COQ8A: variants seen among roughly 807,000 people sequenced by gnomAD.
The protein encoded by COQ8A is coenzyme Q8A.
A neutral mutation model predicts 65.0 loss-of-function variants in COQ8A; 51 were observed. The ratio of observed to expected loss-of-function variants is 0.78; its 90% CI spans 0.63 to 0.99. The LOEUF (loss-of-function observed/expected upper bound fraction) is 0.99. Ranked by LOEUF, COQ8A falls within the 50% of genes least tolerant of loss-of-function variation. The pLI is 0.00. For synonymous variants in COQ8A, 371 were observed against 353.2 expected (o/e 1.05, Z -0.57); for missense variants, 940 against 875.0 (o/e 1.07, Z -0.94).
intron 14 of COQ8A, among the ~76,000 whole-genome samples, chr1:226,986,188 CTGTA>C (rs1403495334): frequency 6.6e-6 from 1 of 152,070 alleles, no homozygotes; most frequent in East Asian, 1.9e-4. Flanking sequence ...TGTTAAAACT[CTGTA>C]TGAGTGCCAC....
chr1:226,983,274 A>G lies in COQ8A; in HGVS notation c.1080+240A>G. On this transcript the variant is annotated intron_variant, in intron 8 of 14. Transcript: ENST00000366777. ...CCAGCAAGCTTGATTTGGGGTGGGC[A>G]AGGACAGGGGACAAGTGATTGCTTT... 4.4e-6 allele frequency: 3 copies of G among 686,688 alleles called. No individual in the cohort carries two copies. In the East Asian group the frequency reaches 8.2e-5, roughly 19 times the overall value. 42.5% of individuals were successfully genotyped at this position (686,688 alleles called of 1,614,324 possible). A position where few individuals can be genotyped will look rare whatever the true frequency, so the allele number is the denominator to read the frequency against.
At position 226,961,521 on chromosome 1, in the gene COQ8A, A is replaced by C; in HGVS notation, c.136A>C (p.Thr46Pro). Residue 46 changes from threonine (T) to proline (P), a missense_variant, in exon 2 of 15, where the codon ACG becomes CCG. Thr to Pro is a conservative substitution (Grantham distance 38, BLOSUM62 -1). Coordinates refer to ENST00000366777, the MANE Select transcript of COQ8A (RefSeq NM_020247.5). ...LIMAARALQS[T>P]AVEQIGMFLG... ...CATGGCGGCCAGGGCCCTGCAGTCC[A>C]CGGCTGTGGAGCAGATTGGCATGTT... 1 of 1,613,774 alleles carries C rather than the reference A, an allele frequency of 6.2e-7. No homozygotes were observed.
At chr1:226,941,632 G>A (rs1013394925) in intron 1 of COQ8A, among the ~76,000 whole-genome samples, 3 of 152,018 alleles carry the variant, frequency 2.0e-5, no homozygotes, top group Non-Finnish European at 2.9e-5. Context: ...AAAATTAGCC[G>A]GATGTGGTGG....
chr1:226,971,850 T>G (rs1658926834), intron 4 of COQ8A, among the ~76,000 whole-genome samples: 1 of 152,236 alleles, frequency 6.6e-6, no homozygotes, highest in African/African-American at 2.4e-5. Context: ...GTATTTATTC[T>G]GCTTGGGGTT....
intron 2 of COQ8A, among the ~76,000 whole-genome samples, chr1:226,962,231 T>C (rs1197201697): frequency 6.6e-6 from 1 of 152,142 alleles, no homozygotes; most frequent in African/African-American, 2.4e-5. Flanking sequence ...CTCCTTTCCT[T>C]GGTGGCAGCT....
intron 5 of COQ8A, among the ~76,000 whole-genome samples, chr1:226,977,950 G>A (rs1460553209): frequency 3.3e-5 from 4 of 120,942 alleles, no homozygotes; most frequent in African/African-American, 6.6e-5. Flanking sequence ...CCAAACACCC[G>A]CACCTTACAT....
At chr1:226,967,434 A>G (rs1006229554) in intron 4 of COQ8A, among the ~76,000 whole-genome samples, 2 of 151,786 alleles carry the variant, frequency 1.3e-5, no homozygotes, top group Admixed American at 6.6e-5. Flanking sequence ...CTCACTTCGG[A>G]GTCTTTGTGG....
Position 226,986,866 on chromosome 1 carries a change from C to T in COQ8A, c.*129C>T. ...CAATAAGGGGGGTGGCTGCCTGGAG[C>T]CCCGTAGCCAGCGCTTTCCACGGTT... On this transcript the variant is annotated 3_prime_UTR_variant, in exon 15 of 15. Coordinates refer to ENST00000366777, the MANE Select transcript of COQ8A (RefSeq NM_020247.5). 1.7e-6 allele frequency: 2 copies of T among 1,184,218 alleles called. No individual in the cohort carries two copies. The highest frequency in any genetic ancestry group is 2.4e-6 in the Non-Finnish European group (2 of 838,302). The allele number at this position is 1,184,218 out of a possible 1,614,324, so 73.4% of individuals were successfully genotyped here.
At chr1:226,962,537 G>A (rs933006842) in intron 2 of COQ8A, among the ~76,000 whole-genome samples, 2 of 152,186 alleles carry the variant, frequency 1.3e-5, no homozygotes, top group East Asian at 1.9e-4. Context: ...GTGTGTGTGC[G>A]CTTAGGCATG....
At chr1:226,977,636 A>T in intron 5 of COQ8A, 113 bp downstream of exon 5, 2 of 1,205,910 alleles carry the variant, frequency 1.7e-6, no homozygotes, top group Non-Finnish European at 2.3e-6. Flanking sequence ...CCGCATTTGC[A>T]TGGGGTTCCA....
At chr1:226,966,790 G>C (rs76728907) in intron 4 of COQ8A, among the ~76,000 whole-genome samples, 13 of 152,134 alleles carry the variant, frequency 8.5e-5, no homozygotes, top group African/African-American at 3.1e-4. Context: ...CATCCTACTT[G>C]TTCAAGACTG....
At position 226,965,322 on chromosome 1, in the gene COQ8A, A is replaced by T; in HGVS notation, c.500A>T (p.Gln167Leu). 1.2e-6 allele frequency: 2 copies of T among 1,613,724 alleles called. No individual in the cohort carries two copies. The highest frequency in any genetic ancestry group is 1.6e-4 in the Middle Eastern group (1 of 6,062). The change falls in exon 3 of 15, where the codon CAA (glutamine) becomes CTA (leucine). Residue 167 changes from glutamine (Q) to leucine (L), a missense_variant. By Grantham distance (113) the Gln-to-Leu change is moderately radical (BLOSUM62 -2). Coordinates refer to ENST00000366777, the MANE Select transcript of COQ8A (RefSeq NM_020247.5). ...CAGCGAAGGTTCTTCCACCAGGACC[A>T]ATCCCCTGTTGGGGGCCTCACAGCC... is the stretch of plus-strand genomic sequence containing the variant. Reference protein sequence around the residue: ...GFQRRFFHQDQSPVGGLTAED... With the variant: ...GFQRRFFHQDLSPVGGLTAED...
At chr1:226,973,264 G>C (rs1659004456) in intron 4 of COQ8A, among the ~76,000 whole-genome samples, 1 of 152,238 alleles carries the variant, frequency 6.6e-6, no homozygotes, top group Non-Finnish European at 1.5e-5. Flanking sequence ...CAGGGGTGCG[G>C]GAGTGTAGTT....
chr1:226,984,706 A>G (rs748256582), intron 12 of COQ8A, 51 bp downstream of exon 12: 2 of 1,565,786 alleles, frequency 1.3e-6, no homozygotes, highest in Non-Finnish European at 1.8e-6. Context: ...GCTTCTCCGA[A>G]TGGGGCACGT....
chr1:226,978,562 A>ACACCTTACCC (rs1558201644), intron 5 of COQ8A, among the ~76,000 whole-genome samples: 4 of 70,182 alleles, frequency 5.7e-5, no homozygotes, highest in South Asian at 5.1e-4. Flanking sequence ...CACCCCCCAC[A>ACACCTTACCC]GCCACACACC....
chr1:226,960,771 T>C (rs112382073), intron 1 of COQ8A, among the ~76,000 whole-genome samples: 1 of 151,882 alleles, frequency 6.6e-6, no homozygotes, highest in African/African-American at 2.4e-5. Flanking sequence ...AAGCTGAGGG[T>C]GGGCTGACCC....
intron 14 of COQ8A, 58 bp downstream of exon 14, chr1:226,985,398 G>A (rs969551636): frequency 1.3e-6 from 2 of 1,586,186 alleles, no homozygotes; most frequent in Non-Finnish European, 1.7e-6. Context: ...GGCTCCCTGT[G>A]TAAGAATGGA....
chr1:226,977,241 C>G (rs903405697), intron 4 of COQ8A, among the ~76,000 whole-genome samples: 1 of 152,172 alleles, frequency 6.6e-6, no homozygotes, highest in Non-Finnish European at 1.5e-5. Context: ...ATCTTTTTCA[C>G]TGAAACACCT....
chr1:226,984,821 A>G, intron 12 of COQ8A, 55 bp from the exon 13 acceptor site: 1 of 1,592,136 alleles, frequency 6.3e-7, no homozygotes, highest in Non-Finnish European at 8.6e-7. Context: ...CCGGCCCCAC[A>G]CACCCGCACC....
Sources: allele counts gnomAD v4.1 joint callset (sites outside exome capture counted in the v4.1 genomes callset), GRCh38; gene constraint gnomAD v4.1.1; transcripts MANE v1.5; gene names NCBI Gene and HGNC (gene_info 2026-07-23, HGNC 2026-07-21).